Variants in ANKS6 observed in about 807,000 individuals in gnomAD.
The protein encoded by ANKS6 is ankyrin repeat and SAM domain-containing protein 6.
A neutral mutation model predicts 77.9 loss-of-function variants in ANKS6; 47 were observed. The ratio of observed to expected loss-of-function variants is 0.60; its 90% CI spans 0.48 to 0.77. ANKS6 has a LOEUF of 0.77. Ranked by LOEUF, ANKS6 falls within the 30% of genes least tolerant of loss-of-function variation. The pLI, the probability that ANKS6 is intolerant of heterozygous loss-of-function variation, is 0.00. For synonymous variants in ANKS6, 488 were observed against 501.7 expected, an observed-to-expected ratio of 0.97 and a Z score of 0.37; for missense variants, 1,150 against 1,159.1, an observed-to-expected ratio of 0.99 and a Z score of 0.11.
rs552789355 is a variant in ANKS6, at chr9:98,785,244, ATT to A, written c.863-370_863-369del. Among the ~76,000 whole-genome samples the A allele has an allele frequency of 7.2e-5, 11 of 152,246 alleles. No individual in the cohort carries two copies. The East Asian group carries it at 1.5e-3, about 21-fold the overall frequency. ...GGATTCCCATGGACATTGTTTAAAA[ATT>A]TTTTTTCTTCTAAAAACTAAATGTA... On this transcript the variant is annotated intron_variant, in intron 2 of 14. Coordinates refer to ENST00000353234, the MANE Select transcript of ANKS6 (RefSeq NM_173551.5).
At chr9:98,771,735 C>T (rs1833644695) in intron 9 of ANKS6, among the ~76,000 whole-genome samples, 1 of 152,128 alleles carries the variant, frequency 6.6e-6, no homozygotes, top group Admixed American at 6.5e-5. Context: ...CACAGCGGCT[C>T]CTCCCGGTCC....
intron 14 of ANKS6, among the ~76,000 whole-genome samples, chr9:98,737,518 C>T (rs1831568795): frequency 6.6e-6 from 1 of 152,010 alleles, no homozygotes; most frequent in Non-Finnish European, 1.5e-5. Context: ...TAGGAATATA[C>T]CTAACCAAGG....
chr9:98,754,569 G>T (rs1318222966), intron 12 of ANKS6, among the ~76,000 whole-genome samples: 1 of 151,934 alleles, frequency 6.6e-6, no homozygotes, highest in Non-Finnish European at 1.5e-5. Flanking sequence ...GTGAACCCGG[G>T]AGGAGGAGCT....
intron 10 of ANKS6, among the ~76,000 whole-genome samples, chr9:98,769,538 G>C (rs897725329): frequency 1.3e-5 from 2 of 152,198 alleles, no homozygotes; most frequent in Admixed American, 6.5e-5. Flanking sequence ...ATTAAACAAG[G>C]TGCTGTAGAT....
In ANKS6 at chr9:98,760,787, T is replaced by C. The variant is rs376088968; in HGVS notation, c.2143-4184A>G. Reference sequence around the variant, plus strand: ...TTACATGAATGTACTACAATTAGTTTATCTATTCACCTGTTGAAGAACATT... The same window carrying C: ...TTACATGAATGTACTACAATTAGTTCATCTATTCACCTGTTGAAGAACATT... On this transcript the variant is annotated intron_variant, in intron 11 of 14. Transcript: ENST00000353234. Among the ~76,000 whole-genome samples the C allele has an allele frequency of 1.8e-3, 189 of 103,018 alleles. 1 individual carries two copies. The highest frequency in any genetic ancestry group is 5.5e-3 in the African/African-American group (180 of 32,964). The allele number at this position is 103,018 out of a possible 152,430, so 67.6% of individuals were successfully genotyped here.
intron 6 of ANKS6, among the ~76,000 whole-genome samples, chr9:98,779,540 A>AAG (rs1014850668): frequency 1.3e-5 from 2 of 152,140 alleles, no homozygotes; most frequent in Non-Finnish European, 2.9e-5. Flanking sequence ...TTAAAAAAAA[A>AAG]AGAGAGAGAG....
chr9:98,786,837 AATC>A (rs1834600589), intron 2 of ANKS6, among the ~76,000 whole-genome samples: 1 of 152,158 alleles, frequency 6.6e-6, no homozygotes. Context: ...GACACAAGTT[AATC>A]ACTGACAGCA....
At chr9:98,795,026 G>A (rs981921889) in intron 1 of ANKS6, among the ~76,000 whole-genome samples, 1 of 152,080 alleles carries the variant, frequency 6.6e-6, no homozygotes, top group African/African-American at 2.4e-5. Context: ...TTTCTGCTGC[G>A]GAGGGACCAG....
chr9:98,793,031 C>G (rs971623915), intron 1 of ANKS6, among the ~76,000 whole-genome samples: 1 of 152,198 alleles, frequency 6.6e-6, no homozygotes, highest in East Asian at 1.9e-4. Flanking sequence ...GCTTTCTGAA[C>G]AGGTGCTGTG....
intron 8 of ANKS6, 25 bp downstream of exon 8, chr9:98,777,380 G>A (rs759178043): frequency 7.4e-6 from 12 of 1,612,166 alleles, no homozygotes; most frequent in Admixed American, 3.3e-5. Context: ...GACCTAAAAT[G>A]CTTTTAGAAA....
At chr9:98,789,843 T>C in intron 2 of ANKS6, 2 of 435,852 alleles carry the variant, frequency 4.6e-6, no homozygotes, top group South Asian at 7.8e-5. Flanking sequence ...CAGAATGATG[T>C]GCTTGGGGAG....
chr9:98,743,447 C>CT (rs1831948698), intron 14 of ANKS6, among the ~76,000 whole-genome samples: 1 of 152,210 alleles, frequency 6.6e-6, no homozygotes, highest in Non-Finnish European at 1.5e-5. Context: ...GCACACCTCA[C>CT]TACAGGGCCT....
intron 5 of ANKS6, 81 bp downstream of exon 5, chr9:98,782,386 G>A: frequency 7.8e-7 from 1 of 1,288,042 alleles, no homozygotes; most frequent in Admixed American, 1.8e-5. Flanking sequence ...TAAAACACAA[G>A]TCACAGAGGA....
At position 98,784,893 on chromosome 9, in the gene ANKS6, T is replaced by C; in HGVS notation, c.863-17A>G. The C allele has an allele frequency of 6.2e-7, 1 of 1,611,274 alleles. No homozygotes were observed. The highest frequency in any genetic ancestry group is 8.5e-7 in the Non-Finnish European group (1 of 1,178,784). ...TCTCCTCATCTGGGTAAACAAAGAT[T>C]TTTAAAGTTAACCACGGAAAGGTTT... On this transcript the variant is annotated splice_polypyrimidine_tract_variant and intron_variant, in intron 2 of 14. Coordinates refer to ENST00000353234, the MANE Select transcript of ANKS6 (RefSeq NM_173551.5).
At chr9:98,745,772 T>C (rs1832095146) in intron 13 of ANKS6, 97 bp from the exon 14 acceptor site, 1 of 892,872 alleles carries the variant, frequency 1.1e-6, no homozygotes, top group East Asian at 2.4e-5. Flanking sequence ...TGAGTGCTTA[T>C]TAGTAGTAAA....
intron 12 of ANKS6, 38 bp downstream of exon 12, chr9:98,756,382 G>A (rs1832702599): frequency 6.3e-7 from 1 of 1,595,660 alleles, no homozygotes; most frequent in Non-Finnish European, 8.5e-7. Context: ...ATCATGGTGA[G>A]AGGAATAGGT....
In ANKS6 at chr9:98,733,347, C is replaced by G. The variant is rs890868658; in HGVS notation, c.*3172G>C. 1.0e-6 allele frequency: 1 copy of G among 985,402 alleles called. No individual in the cohort carries two copies. Among genetic ancestry groups the G allele is most frequent in the Non-Finnish European group, 1.2e-6 (1 of 829,990 alleles). The allele number at this position is 985,402 out of a possible 1,614,324, so 61.0% of individuals were successfully genotyped here. On this transcript the variant is annotated 3_prime_UTR_variant, in exon 15 of 15. Transcript: ENST00000353234. The stretch of plus-strand genomic sequence containing the variant: ...TCACGACACACCAGCAAGACACTGC[C>G]TGGGTGCTGGGAAACAATGCCCTCC...
At chr9:98,795,906 A>G (rs1420411994) in intron 1 of ANKS6, 2 of 392,978 alleles carry the variant, frequency 5.1e-6, no homozygotes, top group East Asian at 7.6e-5. Flanking sequence ...CTGTCTCCAG[A>G]TTCTATTCTG....
intron 1 of ANKS6, among the ~76,000 whole-genome samples, chr9:98,793,501 A>G (rs759304420): frequency 1.3e-4 from 20 of 152,160 alleles, no homozygotes; most frequent in Non-Finnish European, 2.6e-4. Flanking sequence ...TCAGTGCTCA[A>G]TAAAGGTTGT....
Sources: allele counts gnomAD v4.1 joint callset (sites outside exome capture counted in the v4.1 genomes callset), GRCh38; gene constraint gnomAD v4.1.1; transcripts MANE v1.5; gene names NCBI Gene and HGNC (gene_info 2026-07-23, HGNC 2026-07-21).